SETD5: variants seen among roughly 807,000 people sequenced by gnomAD.
SETD5 encodes the protein histone-lysine N-methyltransferase SETD5.
Under a neutral mutation model 153.3 loss-of-function variants are expected in SETD5, and 44 were observed. The observed-to-expected ratio is 0.29, with a 90% CI of 0.23 to 0.37. SETD5 has a LOEUF of 0.37. SETD5 is among the 10% of genes least tolerant of loss of function. The pLI, the probability that SETD5 is intolerant of heterozygous loss-of-function variation, is 1.00. For missense variants in SETD5, 1,544 were observed against 1,768.0 expected (o/e 0.87, Z 2.27); for synonymous variants, 716 against 645.2 (o/e 1.11, Z -1.66).
chr3:9,399,468 G>A (rs564400683), intron 1 of SETD5, among the ~76,000 whole-genome samples: 1 of 151,926 alleles, frequency 6.6e-6, no homozygotes, highest in African/African-American at 2.4e-5. Flanking sequence ...AGTTTTCTCA[G>A]GATCATTAGT....
intron 11 of SETD5, 122 bp downstream of exon 11, chr3:9,443,539 C>A: frequency 1.9e-6 from 1 of 532,704 alleles, no homozygotes. Flanking sequence ...CTTTTCATGA[C>A]TAATGAATTT....
intron 1 of SETD5, among the ~76,000 whole-genome samples, chr3:9,416,483 C>T (rs779006510): frequency 6.6e-6 from 1 of 152,152 alleles, no homozygotes; most frequent in Admixed American, 6.5e-5. Context: ...AATTTATCAA[C>T]AAACTCGTGT....
chr3:9,433,156 G>A (rs926010726), intron 3 of SETD5, among the ~76,000 whole-genome samples: 1 of 152,196 alleles, frequency 6.6e-6, no homozygotes, highest in Non-Finnish European at 1.5e-5. Flanking sequence ...GTTATTATTT[G>A]TCAGTAGACT....
chr3:9,475,194 G>A (rs767543723), intron 22 of SETD5, 38 bp downstream of exon 22: 2 of 1,534,438 alleles, frequency 1.3e-6, no homozygotes, highest in African/African-American at 1.4e-5. Context: ...CCATAGGAGT[G>A]TGTTCTGGGT....
chr3:9,445,007 A>G (rs1345343181), intron 11 of SETD5, 41 bp from the exon 12 acceptor site: 5 of 1,589,692 alleles, frequency 3.1e-6, no homozygotes, highest in Middle Eastern at 1.7e-4. Context: ...CTGAATTTCA[A>G]GGGTACTGAG....
At chr3:9,459,690 G>T (rs868409939) in intron 17 of SETD5, among the ~76,000 whole-genome samples, 1 of 142,152 alleles carries the variant, frequency 7.0e-6, no homozygotes, top group African/African-American at 2.6e-5. Flanking sequence ...CTGCACTCCA[G>T]CCTGGGCGAC....
At chr3:9,467,763 G>C (rs1380759444) in intron 18 of SETD5, among the ~76,000 whole-genome samples, 1 of 152,088 alleles carries the variant, frequency 6.6e-6, no homozygotes. Context: ...TTATGGGACT[G>C]CTGCCTCACC....
rs548706956 is a variant in SETD5 at position 9,474,263 on chromosome 3, T to G, written c.3498-186T>G. ...TGATTTCTTTTTCTTTAAAAGTGGT[T>G]GTTGTTGATGTTTCTCTTTTGTGCC... is the stretch of plus-strand genomic sequence containing the variant. On this transcript the variant is annotated intron_variant, in intron 20 of 22. Coordinates refer to ENST00000402198, the MANE Select transcript of SETD5 (RefSeq NM_001080517.3). Among the ~76,000 whole-genome samples, 4 of 149,124 alleles carry G rather than the reference T, an allele frequency of 2.7e-5. No individual in the cohort carries two copies. In the South Asian group the frequency reaches 6.2e-4, roughly 23 times the overall value.
intron 2 of SETD5, 134 bp downstream of exon 2, chr3:9,424,660 T>TA (rs1230301222): frequency 1.3e-5 from 2 of 152,242 alleles, no homozygotes; most frequent in Admixed American, 1.3e-4. Flanking sequence ...ACGTGTCAGT[T>TA]ATTGTTTTGG....
At chr3:9,423,311 C>G (rs1003611315) in intron 1 of SETD5, 4 of 152,172 alleles carry the variant, frequency 2.6e-5, no homozygotes, top group Non-Finnish European at 5.9e-5. Context: ...TCCCTAGAAA[C>G]TGTATGTAAA....
chr3:9,430,660 G>A (rs772364360), intron 3 of SETD5: 21 of 250,802 alleles, frequency 8.4e-5, no homozygotes, highest in Non-Finnish European at 1.3e-4. Flanking sequence ...ATTAACATTT[G>A]TGAGAAATTT....
intron 2 of SETD5, 103 bp from the exon 3 acceptor site, chr3:9,428,720 T>C (rs1046223642): frequency 1.1e-5 from 4 of 355,092 alleles, no homozygotes; most frequent in Non-Finnish European, 1.5e-5. Context: ...AAAAGCCTTA[T>C]TCAAGAATGC....
intron 10 of SETD5, 68 bp downstream of exon 10, chr3:9,442,313 G>T (rs2041389985): frequency 1.8e-6 from 2 of 1,139,118 alleles, no homozygotes; most frequent in Admixed American, 1.9e-5. Context: ...AAGAAGCAGT[G>T]TGAAAACTTC....
At chr3:9,453,645 A>C in intron 16 of SETD5, 94 bp from the exon 17 acceptor site, 1 of 1,223,022 alleles carries the variant, frequency 8.2e-7, no homozygotes, top group Non-Finnish European at 1.1e-6. Flanking sequence ...AGTGTGTTGA[A>C]TTGTATCACT....
At chr3:9,424,361 A>G (rs1014944251) in intron 1 of SETD5, 106 bp from the exon 2 acceptor site, 1 of 152,240 alleles carries the variant, frequency 6.6e-6, no homozygotes, top group Non-Finnish European at 1.5e-5. Context: ...ATGTAGGATG[A>G]TAAACAAGAC....
At chr3:9,401,215 A>G (rs1259260307) in intron 1 of SETD5, among the ~76,000 whole-genome samples, 1 of 152,240 alleles carries the variant, frequency 6.6e-6, no homozygotes, top group Non-Finnish European at 1.5e-5. Flanking sequence ...AATTCTTATT[A>G]CTATCACATA....
intron 1 of SETD5, among the ~76,000 whole-genome samples, chr3:9,403,139 TAAAG>T (rs539628491): frequency 5.9e-5 from 9 of 152,102 alleles, no homozygotes; most frequent in Non-Finnish European, 1.2e-4. Flanking sequence ...GGCATACAAT[TAAAG>T]AAATCATTTT....
chr3:9,449,825 T>C (rs149291640), intron 16 of SETD5, among the ~76,000 whole-genome samples: 2 of 152,326 alleles, frequency 1.3e-5, no homozygotes, highest in African/African-American at 4.8e-5. Flanking sequence ...GAATCACTCA[T>C]TGGTTTGTTC....
intron 3 of SETD5, among the ~76,000 whole-genome samples, chr3:9,432,828 A>G (rs912013856): frequency 6.6e-6 from 1 of 152,246 alleles, no homozygotes; most frequent in Admixed American, 6.5e-5. Context: ...CACAAAGGGT[A>G]CAAAAAGATA....
Sources: allele counts gnomAD v4.1 joint callset (sites outside exome capture counted in the v4.1 genomes callset), GRCh38; gene constraint gnomAD v4.1.1; transcripts MANE v1.5; gene names NCBI Gene and HGNC (gene_info 2026-07-23, HGNC 2026-07-21).